Variants in DNAH8 observed in about 807,000 individuals in gnomAD.
The protein encoded by DNAH8 is dynein axonemal heavy chain 8, also known as axonemal beta dynein heavy chain 8.
A neutral mutation model predicts 562.1 loss-of-function variants in DNAH8; 382 were observed. The ratio of observed to expected loss-of-function variants is 0.68; its 90% CI spans 0.63 to 0.74. DNAH8 has a LOEUF of 0.74. Among genes scored for constraint, DNAH8 ranks in the 30% least tolerant of loss-of-function variants. The pLI, the probability that DNAH8 is intolerant of heterozygous loss-of-function variation, is 0.00. For synonymous variants in DNAH8, 1,881 were observed against 1,919.4 expected (o/e 0.98, Z 0.52); for missense variants, 5,203 against 5,620.4 (o/e 0.93, Z 2.37).
chr6:38,862,315 A>G lies in DNAH8; in HGVS notation c.6167A>G (p.Asn2056Ser). The G allele has an allele frequency of 6.2e-7, 1 of 1,614,154 alleles. No individual in the cohort carries two copies. The highest frequency in any genetic ancestry group is 8.5e-7 in the Non-Finnish European group (1 of 1,179,994). Residue 2056 changes from asparagine (N) to serine (S), a missense_variant, in exon 44 of 93, where the codon AAC becomes AGC. Coordinates refer to ENST00000327475, the MANE Select transcript of DNAH8 (RefSeq NM_001206927.2). The stretch of plus-strand genomic sequence containing the variant: ...ACGTTAGCTCAGGCCTTGGGCATGA[A>G]CATGGGAGGTGCTCCCGCAGGACCT... ...YITLAQALGM[N>S]MGGAPAGPAG...
intron 87 of DNAH8, 185 bp downstream of exon 87, chr6:38,984,492 AC>A (rs1393593606): frequency 7.2e-6 from 4 of 558,664 alleles, no homozygotes; most frequent in Admixed American, 3.1e-5. Flanking sequence ...ACACACACAC[AC>A]ACAACAACCA....
intron 12 of DNAH8, among the ~76,000 whole-genome samples, chr6:38,773,458 C>T (rs1767767484): frequency 6.6e-6 from 1 of 152,164 alleles, no homozygotes; most frequent in African/African-American, 2.4e-5. Context: ...TGACCAGCTG[C>T]ATCAGCTGCA....
Position 38,937,971 on chromosome 6 carries a change from C to A in DNAH8, c.11564-3C>A. 6.2e-7 allele frequency: 1 copy of A among 1,611,962 alleles called. No individual in the cohort carries two copies. The highest frequency in any genetic ancestry group is 1.1e-5 in the South Asian group (1 of 90,974). Reference sequence around the variant, plus strand: ...ACTACGGTTTTCCTGTTTTGAATTTCAGGCTCATTGGTAGATGACGAATCT... The same window carrying A: ...ACTACGGTTTTCCTGTTTTGAATTTAAGGCTCATTGGTAGATGACGAATCT... On this transcript the variant is annotated splice_region_variant and splice_polypyrimidine_tract_variant and intron_variant, in intron 77 of 92. Coordinates refer to ENST00000327475, the MANE Select transcript of DNAH8 (RefSeq NM_001206927.2).
intron 75 of DNAH8, chr6:38,931,279 G>A (rs1782533708): frequency 6.6e-6 from 1 of 152,144 alleles, no homozygotes; most frequent in African/African-American, 2.4e-5. Flanking sequence ...AAATAGTAGT[G>A]TTGAAGATAA....
intron 28 of DNAH8, among the ~76,000 whole-genome samples, chr6:38,824,294 G>A (rs1344864252): frequency 6.6e-6 from 1 of 152,210 alleles, no homozygotes; most frequent in Non-Finnish European, 1.5e-5. Context: ...TGTGGACGTA[G>A]ACAGGTTGAC....
chr6:38,860,200 G>A (rs1313105782), intron 42 of DNAH8, among the ~76,000 whole-genome samples: 2 of 152,074 alleles, frequency 1.3e-5, no homozygotes, highest in Admixed American at 6.5e-5. Flanking sequence ...CTGAATTTCG[G>A]TGGTGGTGCC....
At chr6:38,805,435 G>A (rs751008873) in intron 22 of DNAH8, 46 bp from the exon 23 acceptor site, 1 of 1,222,504 alleles carries the variant, frequency 8.2e-7, no homozygotes, top group Admixed American at 1.7e-5. Context: ...TACAGACAAT[G>A]CTAAAAAGTC....
intron 1 of DNAH8, among the ~76,000 whole-genome samples, 191 bp from the exon 2 acceptor site, chr6:38,722,573 GGTGGGTGGGGGT>G (rs1562541886): frequency 1.7e-5 from 1 of 57,522 alleles, no homozygotes; most frequent in Non-Finnish European, 3.7e-5. Context: ...AAAGCTCCCA[GGTGGGTGGGGGT>G]GTGTGTGTGT....
chr6:38,987,479 G>C (rs1328340093), intron 87 of DNAH8, among the ~76,000 whole-genome samples: 2 of 152,042 alleles, frequency 1.3e-5, no homozygotes, highest in African/African-American at 4.8e-5. Context: ...CCAGTTCATT[G>C]GCTGTTCCCA....
At chr6:38,974,592 G>A in intron 85 of DNAH8, 63 bp downstream of exon 85, 2 of 1,405,072 alleles carry the variant, frequency 1.4e-6, no homozygotes, top group Non-Finnish European at 2.0e-6. Flanking sequence ...GGCCCCATTG[G>A]AGAGGCTTCC....
At chr6:38,716,384 A>G (rs916147051) in intron 1 of DNAH8, among the ~76,000 whole-genome samples, 6 of 152,052 alleles carry the variant, frequency 3.9e-5, no homozygotes, top group African/African-American at 1.4e-4. Flanking sequence ...CACTGAATTT[A>G]CCACTTTTCC....
chr6:38,819,464 A>G (rs1772612766), intron 26 of DNAH8, among the ~76,000 whole-genome samples: 1 of 152,128 alleles, frequency 6.6e-6, no homozygotes, highest in Admixed American at 6.6e-5. Flanking sequence ...TGTTTCTGTA[A>G]GTATATTTCA....
At chr6:38,963,680 CTTTTTTTT>C (rs778971367) in intron 82 of DNAH8, among the ~76,000 whole-genome samples, 738 of 60,514 alleles carry the variant, frequency 0.012, 9 homozygotes, top group African/African-American at 0.051. Context: ...AAAGTCCATT[CTTTTTTTT>C]TTTTTTTTTT....
Position 38,913,929 on chromosome 6 carries a change from G to A in DNAH8, c.9940G>A (p.Val3314Met). The change falls in exon 67 of 93, where the codon GTG becomes ATG. Residue 3314 changes from valine to methionine, a missense_variant. This residue lies in a region of DNAH8 where 977 missense variants were observed against 1,061.8 expected (regional missense o/e 0.92). Transcript: ENST00000327475. Reference sequence around the variant, plus strand: ...TGCAGTCAAGGAGAAGGAGTTGGCAGTGGCTTCCATAAAAGCAGACGAAGT... The same window carrying A: ...TGCAGTCAAGGAGAAGGAGTTGGCAATGGCTTCCATAAAAGCAGACGAAGT... ...DLAVKEKELA[V>M]ASIKADEVLA... 1 of 1,612,698 alleles carries A rather than the reference G, an allele frequency of 6.2e-7. No individual in the cohort carries two copies.
intron 56 of DNAH8, among the ~76,000 whole-genome samples, chr6:38,885,356 A>G (rs1266068710): frequency 6.6e-6 from 1 of 152,006 alleles, no homozygotes; most frequent in East Asian, 1.9e-4. Context: ...ACCACTACTC[A>G]TCACCTCCAC....
chr6:38,787,499 G>A (rs1268745683), intron 18 of DNAH8, among the ~76,000 whole-genome samples: 1 of 152,038 alleles, frequency 6.6e-6, no homozygotes, highest in African/African-American at 2.4e-5. Context: ...GCCGAGGTGG[G>A]TGGATAACTT....
intron 26 of DNAH8, among the ~76,000 whole-genome samples, chr6:38,815,879 A>G (rs1017015660): frequency 3.0e-4 from 45 of 152,280 alleles, no homozygotes; most frequent in African/African-American, 9.9e-4. Context: ...AAAAATTAAA[A>G]TAAACCTTAG....
chr6:38,833,592 G>A (rs1774029066), intron 31 of DNAH8, among the ~76,000 whole-genome samples: 1 of 152,114 alleles, frequency 6.6e-6, no homozygotes, highest in African/African-American at 2.4e-5. Flanking sequence ...CTAATCAGAA[G>A]CCGCAAACAA....
chr6:38,723,168 C>G lies in DNAH8; in HGVS notation c.359C>G (p.Pro120Arg). The G allele has an allele frequency of 6.2e-7, 1 of 1,612,218 alleles. No individual in the cohort carries two copies. The highest frequency in any genetic ancestry group is 1.1e-5 in the South Asian group (1 of 91,050). ...TACCGCCGGAGTATGAGTGGCCTTC[C>G]CAATCTACAGGAAACATTAAAAGAG... is the stretch of plus-strand genomic sequence containing the variant. ...SRYRRSMSGLPNLQETLKERQ... is the reference protein window; with the variant it reads ...SRYRRSMSGLRNLQETLKERQ... Residue 120 changes from proline to arginine, a missense_variant, in exon 2 of 93, where the codon CCC becomes CGC. Physicochemically the swap from Pro to Arg is moderately radical, Grantham distance 103. This residue lies in a region of DNAH8 where 556 missense variants were observed against 496.9 expected (regional missense o/e 1.12). Transcript: ENST00000327475.
Sources: allele counts gnomAD v4.1 joint callset (sites outside exome capture counted in the v4.1 genomes callset), GRCh38; gene constraint gnomAD v4.1.1; regional missense constraint gnomAD v4.1.1; transcripts MANE v1.5; gene names NCBI Gene and HGNC (gene_info 2026-07-23, HGNC 2026-07-21).